The following EPB41L4A variants were observed in gnomAD, a reference collection of about 807,000 sequenced individuals.
EPB41L4A encodes the protein erythrocyte membrane protein band 4.1 like 4A, also known as band 4.1-like protein 4A.
EPB41L4A carries 100 observed loss-of-function variants against 108.6 expected under a neutral mutation model. The observed-to-expected ratio is 0.92, with a 90% CI of 0.78 to 1.09. The LOEUF is 1.09. Ranked by LOEUF, EPB41L4A falls within the 50% of genes least tolerant of loss-of-function variation. EPB41L4A has a pLI of 0.00. For synonymous variants in EPB41L4A, 319 were observed against 289.0 expected (o/e 1.10, Z -1.05); for missense variants, 1,030 against 842.7 (o/e 1.22, Z -2.75).
In EPB41L4A at chr5:112,234,644, T is replaced by C. The variant is rs765890120; in HGVS notation, c.1077A>G (p.Thr359=). 1.9e-6 allele frequency: 3 copies of C among 1,613,078 alleles called. No homozygotes were observed. In the African/African-American group the frequency reaches 4.0e-5, roughly 22 times the overall value. The change falls in exon 12 of 23, where the codon ACA becomes ACG. Residue 359 remains threonine, a synonymous_variant. Coordinates refer to ENST00000261486, the MANE Select transcript of EPB41L4A (RefSeq NM_022140.5). ...GGAACCATGACTTACCAGCTGGCTG[T>C]GTTTGTGCTATTCGCTTAGGGTAAG... is the stretch of plus-strand genomic sequence containing the variant. The part of the protein sequence containing the change: ...SKTYPKRIAQ[T]QPAESNSISR...
chr5:112,242,982 G>A (rs1036310115), intron 9 of EPB41L4A, among the ~76,000 whole-genome samples: 12 of 152,156 alleles, frequency 7.9e-5, no homozygotes, highest in Non-Finnish European at 1.6e-4. Flanking sequence ...GGGGAGCTGA[G>A]GCAGGCGGAT....
At chr5:112,170,095 G>A (rs542347674) in intron 20 of EPB41L4A, 6 of 552,016 alleles carry the variant, frequency 1.1e-5, no homozygotes, top group East Asian at 6.6e-5. Context: ...AGTACAAAGA[G>A]GTGGCTAATA....
At chr5:112,369,055 T>C (rs1011313627) in intron 1 of EPB41L4A, among the ~76,000 whole-genome samples, 1 of 152,180 alleles carries the variant, frequency 6.6e-6, no homozygotes, top group African/African-American at 2.4e-5. Flanking sequence ...CTATAGATAT[T>C]ATATTTAGAT....
intron 1 of EPB41L4A, among the ~76,000 whole-genome samples, chr5:112,352,794 A>G (rs1758127629): frequency 6.6e-6 from 1 of 152,214 alleles, no homozygotes. Context: ...ATATCACTAC[A>G]TTGAATACTC....
At chr5:112,212,953 T>A (rs977404076) in intron 12 of EPB41L4A, among the ~76,000 whole-genome samples, 1 of 152,028 alleles carries the variant, frequency 6.6e-6, no homozygotes, top group Non-Finnish European at 1.5e-5. Context: ...TTCCCTTCCA[T>A]CCAAAAATTA....
chr5:112,314,311 A>C (rs1462327887), intron 1 of EPB41L4A, among the ~76,000 whole-genome samples: 3 of 152,012 alleles, frequency 2.0e-5, no homozygotes, highest in African/African-American at 7.2e-5. Context: ...GGCTAGTTTC[A>C]TTTGAAATTT....
At chr5:112,194,495 G>A (rs1761862753) in intron 17 of EPB41L4A, 73 bp downstream of exon 17, 1 of 831,316 alleles carries the variant, frequency 1.2e-6, no homozygotes, top group African/African-American at 1.8e-5. Flanking sequence ...ACTTACAAAG[G>A]ACACTCAGTT....
intron 2 of EPB41L4A, among the ~76,000 whole-genome samples, chr5:112,305,555 C>T (rs1337500444): frequency 6.6e-6 from 1 of 152,106 alleles, no homozygotes; most frequent in Non-Finnish European, 1.5e-5. Context: ...TTTTAAGTAA[C>T]TGTCAGATAT....
chr5:112,222,947 T>TTG (rs11374564), intron 12 of EPB41L4A, among the ~76,000 whole-genome samples: 8,258 of 150,586 alleles, frequency 0.055, 269 homozygotes, highest in Middle Eastern at 0.089. Flanking sequence ...AACTAGTTTT[T>TTG]TTTTTTTTTT....
At chr5:112,281,031 G>A (rs1358092257) in intron 2 of EPB41L4A, among the ~76,000 whole-genome samples, 1 of 152,158 alleles carries the variant, frequency 6.6e-6, no homozygotes, top group Non-Finnish European at 1.5e-5. Context: ...CAGACCCATA[G>A]AGAGTCTGTT....
intron 16 of EPB41L4A, 86 bp downstream of exon 16, chr5:112,195,575 G>A (rs751231230): frequency 3.5e-5 from 39 of 1,099,010 alleles, no homozygotes; most frequent in Non-Finnish European, 5.3e-5. Flanking sequence ...AAAAAATAAT[G>A]CCCCCGCTCT....
rs184487141 is a variant in EPB41L4A at position 112,273,303 on chromosome 5, T to A, written c.335+2023A>T. ...ACACAAGCTGGTCTAAAACTTTCAA[T>A]ACAACTGGTTGTACTGAAAATATTG... is the stretch of plus-strand genomic sequence containing the variant. On this transcript the variant is annotated intron_variant, in intron 4 of 22. Coordinates refer to ENST00000261486, the MANE Select transcript of EPB41L4A (RefSeq NM_022140.5). Among the ~76,000 whole-genome samples the A allele has an allele frequency of 1.6e-4, 24 of 152,332 alleles. No individual in the cohort carries two copies. The East Asian group carries it at 4.6e-3, about 29-fold the overall frequency.
chr5:112,162,247 C>T (rs1486608796), downstream of EPB41L4A: 1 of 152,094 alleles, frequency 6.6e-6, no homozygotes, highest in South Asian at 2.1e-4. Flanking sequence ...ACATAATTAC[C>T]TGCTGGAGTC....
downstream of EPB41L4A, among the ~76,000 whole-genome samples, chr5:112,160,231 C>G (rs1363300102): frequency 6.6e-6 from 1 of 152,068 alleles, no homozygotes; most frequent in Non-Finnish European, 1.5e-5. Context: ...TTTTATGTGG[C>G]AATTGGAAAA....
chr5:112,391,020 G>C (rs1303802255), intron 1 of EPB41L4A, among the ~76,000 whole-genome samples: 2 of 152,184 alleles, frequency 1.3e-5, no homozygotes, highest in African/African-American at 2.4e-5. Flanking sequence ...GAAAGGAATA[G>C]CATCAACATC....
At chr5:112,301,422 T>C (rs374942516) in intron 2 of EPB41L4A, among the ~76,000 whole-genome samples, 1 of 152,208 alleles carries the variant, frequency 6.6e-6, no homozygotes, top group Non-Finnish European at 1.5e-5. Context: ...TATTTCCTTC[T>C]GGATCTAGCC....
At chr5:112,318,027 T>G (rs1216125016) in intron 1 of EPB41L4A, among the ~76,000 whole-genome samples, 1 of 152,178 alleles carries the variant, frequency 6.6e-6, no homozygotes, top group Non-Finnish European at 1.5e-5. Flanking sequence ...GCAATTCTGA[T>G]TCTTAGATAC....
intron 22 of EPB41L4A, among the ~76,000 whole-genome samples, chr5:112,166,648 G>A (rs1205903993): frequency 6.6e-6 from 1 of 152,154 alleles, no homozygotes; most frequent in East Asian, 1.9e-4. Flanking sequence ...GCATTTCTTT[G>A]TAATGCATAC....
At position 112,302,871 on chromosome 5, in the gene EPB41L4A, G is replaced by A. The variant is rs202024496; in HGVS notation, c.204+4515C>T. Among the ~76,000 whole-genome samples, 13 of 152,236 alleles carry A rather than the reference G, an allele frequency of 8.5e-5. No homozygotes were observed. In the East Asian group the frequency reaches 2.3e-3, roughly 27 times the overall value. ...TATGGGGCCCCCTATAGATGCTTCC[G>A]GCTTCCAGGCCGTGGACTCTTGAAA... On this transcript the variant is annotated intron_variant, in intron 2 of 22. Coordinates refer to ENST00000261486, the MANE Select transcript of EPB41L4A (RefSeq NM_022140.5).
Sources: allele counts gnomAD v4.1 joint callset (sites outside exome capture counted in the v4.1 genomes callset), GRCh38; gene constraint gnomAD v4.1.1; transcripts MANE v1.5; gene names NCBI Gene and HGNC (gene_info 2026-07-23, HGNC 2026-07-21).